Variants in WDR64 observed in about 807,000 individuals in gnomAD.
WDR64 encodes the protein WD repeat domain 64.
WDR64 carries 112 observed loss-of-function variants against 139.3 expected under a neutral mutation model. That is an observed-to-expected ratio of 0.80 (90% confidence interval 0.69 to 0.94). The LOEUF is 0.94. Among genes scored for constraint, WDR64 ranks in the 40% least tolerant of loss-of-function variants. WDR64 has a pLI of 0.00. For synonymous variants in WDR64, 444 were observed against 437.7 expected (o/e 1.01, Z -0.18); for missense variants, 1,206 against 1,293.1 (o/e 0.93, Z 1.03).
intron 27 of WDR64, among the ~76,000 whole-genome samples, chr1:241,797,994 G>A (rs1010699031): frequency 6.6e-5 from 10 of 151,998 alleles, no homozygotes; most frequent in African/African-American, 2.2e-4. Context: ...ATATGTCTTA[G>A]GTACCAGGGG....
chr1:241,754,060 A>G (rs1309662568), intron 14 of WDR64, among the ~76,000 whole-genome samples: 1 of 152,102 alleles, frequency 6.6e-6, no homozygotes, highest in African/African-American at 2.4e-5. Context: ...GCAGAAAAAA[A>G]ACTCCACAGA....
intron 20 of WDR64, among the ~76,000 whole-genome samples, chr1:241,773,351 C>A (rs1658531255): frequency 6.6e-6 from 1 of 152,218 alleles, no homozygotes; most frequent in Non-Finnish European, 1.5e-5. Flanking sequence ...CTGCTTCAGT[C>A]TCATCCCTTA....
At chr1:241,767,337 T>C (rs1232941380) in intron 16 of WDR64, among the ~76,000 whole-genome samples, 1 of 144,110 alleles carries the variant, frequency 6.9e-6, no homozygotes, top group Non-Finnish European at 1.5e-5. Context: ...CACTTCTCAA[T>C]GTTTTTTTTT....
intron 2 of WDR64, among the ~76,000 whole-genome samples, chr1:241,670,521 A>G (rs1373218896): frequency 1.3e-5 from 2 of 152,218 alleles, no homozygotes; most frequent in East Asian, 1.9e-4. Context: ...TGTCAGTTCT[A>G]TTGAAAAGAA....
At chr1:241,783,128 T>C in intron 22 of WDR64, 144 bp from the exon 23 acceptor site, 1 of 667,830 alleles carries the variant, frequency 1.5e-6, no homozygotes, top group Non-Finnish European at 2.5e-6. Context: ...AAGAGCTAAT[T>C]GGGGGCAAGG....
intron 23 of WDR64, among the ~76,000 whole-genome samples, chr1:241,785,631 CTCAGT>C (rs1659010653): frequency 2.6e-5 from 4 of 152,158 alleles, no homozygotes; most frequent in Non-Finnish European, 2.9e-5. Context: ...TCCCTAGATA[CTCAGT>C]TCAAAGTGCT....
chr1:241,688,404 G>A (rs1470814760), intron 8 of WDR64, among the ~76,000 whole-genome samples: 2 of 152,012 alleles, frequency 1.3e-5, no homozygotes, highest in East Asian at 3.9e-4. Flanking sequence ...TGAGTTGTAC[G>A]CTTACAATGA....
At chr1:241,753,574 C>G (rs890317016) in intron 14 of WDR64, among the ~76,000 whole-genome samples, 2 of 152,050 alleles carry the variant, frequency 1.3e-5, no homozygotes, top group African/African-American at 4.8e-5. Context: ...TGTAGTGGTG[C>G]ATGCCTGTAG....
At chr1:241,732,801 C>T (rs928399827) in intron 10 of WDR64, among the ~76,000 whole-genome samples, 2 of 150,628 alleles carry the variant, frequency 1.3e-5, no homozygotes, top group Non-Finnish European at 3.0e-5. Context: ...GCCTGGGCAA[C>T]AAGAGTGAAA....
chr1:241,724,554 TAAAG>T (rs1469211582), intron 10 of WDR64, among the ~76,000 whole-genome samples: 30 of 152,014 alleles, frequency 2.0e-4, no homozygotes, highest in Non-Finnish European at 3.5e-4. Flanking sequence ...TGATTAGCCA[TAAAG>T]AAAGAAAGAT....
chr1:241,662,882 G>T (rs1332818516), intron 2 of WDR64, among the ~76,000 whole-genome samples: 2 of 152,086 alleles, frequency 1.3e-5, no homozygotes, highest in Non-Finnish European at 2.9e-5. Flanking sequence ...AATGCAAACA[G>T]AAGGGAAAAG....
chr1:241,781,877 T>C (rs941984630), intron 22 of WDR64, among the ~76,000 whole-genome samples: 3 of 152,250 alleles, frequency 2.0e-5, no homozygotes, highest in African/African-American at 7.2e-5. Context: ...TATATGTTCA[T>C]GGAGTCATGA....
intron 15 of WDR64, among the ~76,000 whole-genome samples, chr1:241,761,537 G>C (rs1399748186): frequency 6.6e-6 from 1 of 150,788 alleles, no homozygotes; most frequent in Non-Finnish European, 1.5e-5. Flanking sequence ...TTAAAAGTTT[G>C]TTGTATATTA....
Position 241,711,762 on chromosome 1 carries a change from G to GA in WDR64, c.975-35dup, listed in dbSNP as rs1221340213. 4.4e-6 allele frequency: 7 copies of GA among 1,596,694 alleles called. No homozygotes were observed. The South Asian group carries it at 5.5e-5, about 13-fold the overall frequency. On this transcript the variant is annotated intron_variant, in intron 8 of 27. Coordinates refer to ENST00000437684, the MANE Select transcript of WDR64 (RefSeq NM_001367482.1). The stretch of plus-strand genomic sequence containing the variant: ...TATAAGTCAGAATTAACTTGATAAA[G>GA]AAAAATATATATGTTTTCCATCTAA...
chr1:241,801,219 G>T lies in WDR64; in HGVS notation c.*4G>T, dbSNP rs1277376855. On this transcript the variant is annotated 3_prime_UTR_variant, in exon 28 of 28. Coordinates refer to ENST00000437684, the MANE Select transcript of WDR64 (RefSeq NM_001367482.1). ...CTTCCCAGCTATACCCAAGTAAGGA[G>T]AAAAAATCAGAAATGGCTGCTGCAC... 3 of 1,611,404 alleles carry T rather than the reference G, an allele frequency of 1.9e-6. No individual in the cohort carries two copies. The highest frequency in any genetic ancestry group is 2.5e-6 in the Non-Finnish European group (3 of 1,178,042).
At chr1:241,783,233 T>C (rs747321968) in intron 22 of WDR64, 39 bp from the exon 23 acceptor site, 5 of 1,532,702 alleles carry the variant, frequency 3.3e-6, no homozygotes, top group South Asian at 1.1e-5. Context: ...TACTAGCATA[T>C]AGTTATTCCG....
At chr1:241,757,764 A>G (rs2148277860) in intron 15 of WDR64, among the ~76,000 whole-genome samples, 1 of 150,990 alleles carries the variant, frequency 6.6e-6, no homozygotes, top group South Asian at 2.1e-4. Flanking sequence ...AATTACAGGC[A>G]TAAGACACCG....
At chr1:241,707,221 C>T (rs552381899) in intron 8 of WDR64, among the ~76,000 whole-genome samples, 64 of 152,298 alleles carry the variant, frequency 4.2e-4, no homozygotes, top group Non-Finnish European at 7.1e-4. Context: ...CAGTGTTGGG[C>T]GTACAGCTGG....
At chr1:241,699,150 A>G (rs1426373137) in intron 8 of WDR64, among the ~76,000 whole-genome samples, 1 of 152,178 alleles carries the variant, frequency 6.6e-6, no homozygotes, top group African/African-American at 2.4e-5. Context: ...ACAATTCAAG[A>G]TGAGATTTGG....
Sources: allele counts gnomAD v4.1 joint callset (sites outside exome capture counted in the v4.1 genomes callset), GRCh38; gene constraint gnomAD v4.1.1; transcripts MANE v1.5; gene names NCBI Gene and HGNC (gene_info 2026-07-23, HGNC 2026-07-21).